Variants in KLHL1 observed in about 807,000 individuals in gnomAD.
KLHL1 encodes kelch like family member 1.
Under a neutral mutation model 77.7 loss-of-function variants are expected in KLHL1, and 47 were observed. The observed-to-expected ratio is 0.60, with a 90% CI of 0.48 to 0.77. The LOEUF is 0.77. KLHL1 is among the 30% of genes least tolerant of loss of function. The pLI, the probability that KLHL1 is intolerant of heterozygous loss-of-function variation, is 0.00. For missense variants in KLHL1, 925 were observed against 910.8 expected, an observed-to-expected ratio of 1.02 and a Z score of -0.20; for synonymous variants, 360 against 325.2, an observed-to-expected ratio of 1.11 and a Z score of -1.15.
intron 4 of KLHL1, among the ~76,000 whole-genome samples, chr13:69,936,554 A>G (rs1425758356): frequency 1.4e-5 from 2 of 146,214 alleles, no homozygotes; most frequent in African/African-American, 5.1e-5. Context: ...ACGCCTCTGC[A>G]CTCCAGCCTA....
intron 6 of KLHL1, among the ~76,000 whole-genome samples, chr13:69,802,580 A>G (rs1360228951): frequency 6.6e-6 from 1 of 152,130 alleles, no homozygotes; most frequent in Non-Finnish European, 1.5e-5. Flanking sequence ...TGACCTAATC[A>G]GTTATGTTAT....
intron 1 of KLHL1, among the ~76,000 whole-genome samples, chr13:70,061,105 G>T (rs1344143340): frequency 1.3e-5 from 2 of 151,976 alleles, no homozygotes; most frequent in African/African-American, 4.8e-5. Context: ...GGAGAAGTGA[G>T]GATGGTTATC....
intron 9 of KLHL1, among the ~76,000 whole-genome samples, chr13:69,717,202 T>C (rs1395992462): frequency 6.6e-6 from 1 of 152,154 alleles, no homozygotes; most frequent in Non-Finnish European, 1.5e-5. Flanking sequence ...TCCATCTCTC[T>C]ACAAAACATA....
rs188871464 is a variant in KLHL1 at position 69,794,707 on chromosome 13, G to C, written c.1639+2031C>G. On this transcript the variant is annotated intron_variant, in intron 7 of 10. Transcript: ENST00000377844. The stretch of plus-strand genomic sequence containing the variant: ...AGAGTATGAAAACCACTAAGAAGAA[G>C]AAAGCAATTATAATGAATTACCAAG... 9.9e-5 allele frequency among the ~76,000 whole-genome samples: 15 copies of C among 152,056 alleles called. No individual in the cohort carries two copies. In the East Asian group the frequency reaches 2.7e-3, roughly 27 times the overall value.
intron 7 of KLHL1, among the ~76,000 whole-genome samples, chr13:69,756,038 C>T (rs749172459): frequency 6.6e-6 from 1 of 152,066 alleles, no homozygotes; most frequent in Admixed American, 6.6e-5. Flanking sequence ...ATTTAGTTTG[C>T]CTCAGTGTAT....
chr13:69,978,925 TAGAAAGAAATAGAAA>T (rs1172403703), intron 1 of KLHL1, among the ~76,000 whole-genome samples: 9 of 152,008 alleles, frequency 5.9e-5, no homozygotes, highest in African/African-American at 1.9e-4. Context: ...ATAAGTAGAA[TAGAAAGAAATAGAAA>T]AGAAAGAAAT....
chr13:69,802,654 C>G (rs1232639394), intron 6 of KLHL1, among the ~76,000 whole-genome samples: 1 of 148,642 alleles, frequency 6.7e-6, no homozygotes, highest in Non-Finnish European at 1.5e-5. Context: ...TTGTTCCAAT[C>G]TAATTACCGG....
intron 7 of KLHL1, among the ~76,000 whole-genome samples, chr13:69,762,372 C>T (rs1014486723): frequency 5.9e-5 from 9 of 151,980 alleles, no homozygotes; most frequent in African/African-American, 1.9e-4. Flanking sequence ...ATCAGCTTCT[C>T]GACTCTGATA....
At chr13:70,091,179 T>G (rs1456416484) in intron 1 of KLHL1, among the ~76,000 whole-genome samples, 1 of 152,100 alleles carries the variant, frequency 6.6e-6, no homozygotes, top group Admixed American at 6.6e-5. Flanking sequence ...TTTTCCTCTA[T>G]CTTGTGATCT....
intron 7 of KLHL1, among the ~76,000 whole-genome samples, chr13:69,784,787 G>A (rs1417204035): frequency 6.7e-6 from 1 of 150,122 alleles, no homozygotes. Context: ...GAGACAGAAA[G>A]TTAACAAGGA....
intron 6 of KLHL1, among the ~76,000 whole-genome samples, chr13:69,798,439 T>A (rs531843582): frequency 6.6e-6 from 1 of 152,294 alleles, no homozygotes; most frequent in South Asian, 2.1e-4. Context: ...TAATTAGATA[T>A]GTCAAATCTG....
Position 69,714,291 on chromosome 13 carries a change from T to G in KLHL1, c.2015+5078A>C, listed in dbSNP as rs557165496. Among the ~76,000 whole-genome samples the G allele has an allele frequency of 2.0e-5, 3 of 152,214 alleles. No homozygotes were observed. The South Asian group carries it at 6.2e-4, about 32-fold the overall frequency. On this transcript the variant is annotated intron_variant, in intron 9 of 10. Coordinates refer to ENST00000377844, the MANE Select transcript of KLHL1 (RefSeq NM_020866.3). ...TTTTCAAGGTTGAGGAGAGGAGAAATGAGTTGTTGACAGAACAAAAAGAAA... is the reference window on the plus strand; with the variant it reads ...TTTTCAAGGTTGAGGAGAGGAGAAAGGAGTTGTTGACAGAACAAAAAGAAA...
At chr13:69,801,123 C>T (rs906546933) in intron 6 of KLHL1, among the ~76,000 whole-genome samples, 1 of 152,096 alleles carries the variant, frequency 6.6e-6, no homozygotes, top group East Asian at 1.9e-4. Context: ...CACATATATA[C>T]CCCATACATT....
At chr13:69,897,052 G>A (rs1263809972) in intron 4 of KLHL1, among the ~76,000 whole-genome samples, 1 of 152,050 alleles carries the variant, frequency 6.6e-6, no homozygotes, top group Admixed American at 6.6e-5. Context: ...GAATAGTATT[G>A]ATAATATTAG....
intron 5 of KLHL1, among the ~76,000 whole-genome samples, chr13:69,841,764 G>C (rs1879270103): frequency 6.6e-6 from 1 of 151,602 alleles, no homozygotes; most frequent in African/African-American, 2.4e-5. Context: ...AAGCAATCCT[G>C]ATCAAAAAGA....
rs145268106 is a variant in KLHL1, at chr13:70,105,995, A to G, written c.497+1208T>C. On this transcript the variant is annotated intron_variant, in intron 1 of 10. Coordinates refer to ENST00000377844, the MANE Select transcript of KLHL1 (RefSeq NM_020866.3). ...AAAATTAAAATTAAAAAATATATAT[A>G]ATGTATATAATTGAAAATTTTTAAG... is the stretch of plus-strand genomic sequence containing the variant. 5.7e-3 allele frequency among the ~76,000 whole-genome samples: 863 copies of G among 150,750 alleles called. 9 individuals are homozygous for G. Among genetic ancestry groups the G allele is most frequent in the African/African-American group, 0.02 (831 of 41,474 alleles).
intron 4 of KLHL1, among the ~76,000 whole-genome samples, chr13:69,922,912 T>C (rs1409439956): frequency 6.6e-6 from 1 of 152,112 alleles, no homozygotes; most frequent in Non-Finnish European, 1.5e-5. Flanking sequence ...ACTCTCAATT[T>C]CAAATATTAT....
In KLHL1 at chr13:70,015,247, C is replaced by A. The variant is rs1361250910; in HGVS notation, c.498-39445G>T. On this transcript the variant is annotated intron_variant, in intron 1 of 10. Coordinates refer to ENST00000377844, the MANE Select transcript of KLHL1 (RefSeq NM_020866.3). ...GTGTATAGCCTACTGCACACCTAGACATATGATATAACCTACTCCTCCTAG... is the reference window on the plus strand; with the variant it reads ...GTGTATAGCCTACTGCACACCTAGAAATATGATATAACCTACTCCTCCTAG... Among the ~76,000 whole-genome samples the A allele has an allele frequency of 2.0e-5, 3 of 152,108 alleles. 1 individual carries two copies.
intron 5 of KLHL1, among the ~76,000 whole-genome samples, chr13:69,866,300 T>C (rs1046385086): frequency 2.0e-5 from 3 of 152,162 alleles, no homozygotes; most frequent in Non-Finnish European, 4.4e-5. Context: ...ATTCACTGAA[T>C]ATCTGGTTTT....
Sources: gnomAD v4.1 joint callset for allele counts (sites outside exome capture counted in the v4.1 genomes callset) on GRCh38, gnomAD v4.1.1 for gene constraint, MANE v1.5 for transcripts, NCBI Gene and HGNC (gene_info 2026-07-23, HGNC 2026-07-21) for gene names.